The following NDEL1 variants were observed in gnomAD, a reference collection of about 807,000 sequenced individuals.
The protein encoded by NDEL1 is nudE neurodevelopment protein 1 like 1, also known as nuclear distribution protein nudE-like 1.
In NDEL1, 9 loss-of-function variants were observed where a neutral mutation model predicts 45.7. That is an observed-to-expected ratio of 0.20 (90% CI 0.12 to 0.34). The LOEUF (loss-of-function observed/expected upper bound fraction) is 0.34, where lower values mean the gene tolerates loss of function less well. NDEL1 is among the 10% of genes least tolerant of loss of function. NDEL1 has a pLI of 1.00. For missense variants in NDEL1, 306 were observed against 406.2 expected (o/e 0.75, Z 2.12); for synonymous variants, 133 against 158.6 (o/e 0.84, Z 1.21).
intron 1 of NDEL1, among the ~76,000 whole-genome samples, chr17:8,430,306 G>T (rs1597515741): frequency 6.6e-6 from 1 of 152,170 alleles, no homozygotes; most frequent in African/African-American, 2.4e-5. Context: ...AAAAATGCTG[G>T]CCAAAGGAAT....
At position 8,418,663 on chromosome 17, in the gene NDEL1, TTCCC is replaced by T. The variant is rs541517662; in HGVS notation, c.-13+5406_-13+5409del. Among the ~76,000 whole-genome samples the T allele has an allele frequency of 6.0e-3, 909 of 151,242 alleles. 12 individuals are homozygous for T. The highest frequency in any genetic ancestry group is 0.02 in the African/African-American group (828 of 41,186). ...CTTCCTTCTTTCCTTCCTTCCTTCC[TTCCC>T]TCCCTCCCTCCTTCATCTCTCTCTC... On this transcript the variant is annotated intron_variant, in intron 1 of 4. Transcript: ENST00000582812.
At chr17:8,451,558 C>T (rs56005127) in intron 6 of NDEL1, among the ~76,000 whole-genome samples, 6,430 of 152,156 alleles carry the variant, frequency 0.042, 189 homozygotes, top group Non-Finnish European at 0.065. Context: ...TCAGGAGCTG[C>T]CATTTTCAAA....
intron 1 of NDEL1, among the ~76,000 whole-genome samples, chr17:8,428,414 G>A (rs1175634043): frequency 6.8e-6 from 1 of 146,364 alleles, no homozygotes; most frequent in Non-Finnish European, 1.5e-5. Context: ...GCCCAGGCTG[G>A]AGTGTAGTGG....
intron 1 of NDEL1, among the ~76,000 whole-genome samples, chr17:8,441,479 T>C (rs1347538740): frequency 4.6e-5 from 7 of 152,238 alleles, no homozygotes; most frequent in South Asian, 2.1e-4. Context: ...ATGGAACTTA[T>C]CCCAGTTGCT....
In NDEL1 at chr17:8,460,495, A is replaced by G. The variant is rs141094618; in HGVS notation, c.944+335A>G. On this transcript the variant is annotated intron_variant, in intron 8 of 8. Coordinates refer to ENST00000334527, the MANE Select transcript of NDEL1 (RefSeq NM_030808.5). ...AGACTTGGAAATATTTTTTTGGGGT[A>G]GAAGACAGCATCACAATTAAATATA... 6.1e-4 allele frequency among the ~76,000 whole-genome samples: 93 copies of G among 152,328 alleles called. No individual in the cohort carries two copies. In the East Asian group the frequency reaches 0.014, roughly 22 times the overall value.
chr17:8,433,265 T>C (rs554625160), upstream of NDEL1, among the ~76,000 whole-genome samples: 2 of 152,330 alleles, frequency 1.3e-5, no homozygotes, highest in South Asian at 2.1e-4. Context: ...GTAGGCCAAA[T>C]CTGTTGAGAT....
chr17:8,461,794 T>A (rs778957493), intron 8 of NDEL1, among the ~76,000 whole-genome samples: 1 of 152,182 alleles, frequency 6.6e-6, no homozygotes, highest in Admixed American at 6.5e-5. Context: ...CTTATAATGA[T>A]CCTCTACTAG....
At chr17:8,473,335 C>T (rs1296694565) in intron 3 of NDEL1, among the ~76,000 whole-genome samples, 3 of 152,022 alleles carry the variant, frequency 2.0e-5, no homozygotes, top group Admixed American at 1.3e-4. Context: ...TACAGGTGTG[C>T]ACCACCACAC....
chr17:8,454,981 C>G (rs1910738222), intron 7 of NDEL1, 94 bp downstream of exon 7: 4 of 1,219,914 alleles, frequency 3.3e-6, no homozygotes, highest in South Asian at 2.5e-5. Context: ...AGGATACTTT[C>G]CTGTGGTAAA....
chr17:8,435,304 T>C (rs905096168), upstream of NDEL1, among the ~76,000 whole-genome samples: 1 of 152,104 alleles, frequency 6.6e-6, no homozygotes, highest in African/African-American at 2.4e-5. Context: ...CATCAAATAT[T>C]TGAGCGTCCA....
intron 6 of NDEL1, among the ~76,000 whole-genome samples, chr17:8,453,227 C>G (rs1910631801): frequency 6.6e-6 from 1 of 152,174 alleles, no homozygotes; most frequent in East Asian, 1.9e-4. Context: ...ATGCTGGGAG[C>G]ACAGTGGTAA....
intron 7 of NDEL1, among the ~76,000 whole-genome samples, chr17:8,459,237 T>C (rs370652279): frequency 2.7e-4 from 41 of 152,268 alleles, no homozygotes; most frequent in African/African-American, 9.9e-4. Context: ...GGGGTTTGAT[T>C]TGGGCAAAGT....
At chr17:8,449,251 G>A (rs1910304380) in intron 5 of NDEL1, among the ~76,000 whole-genome samples, 1 of 152,138 alleles carries the variant, frequency 6.6e-6, no homozygotes, top group Admixed American at 6.5e-5. Context: ...AAAATGCTGG[G>A]ATTACAGACG....
In NDEL1 at chr17:8,467,288, AC is replaced by A. The variant is rs1911663673; in HGVS notation, c.*266del. ...TTTTGTGGGTCGCAAGGTGATACAT[AC>A]GTGTATTACTTGGTCACTGGATGCA... On this transcript the variant is annotated 3_prime_UTR_variant, in exon 9 of 9. Coordinates refer to ENST00000334527, the MANE Select transcript of NDEL1 (RefSeq NM_030808.5). This position sits in a 1 kb window ranked among gnomAD's most constrained non-coding sequence, Gnocchi z 6.3. The A allele has an allele frequency of 1.8e-6, 1 of 569,722 alleles. No individual in the cohort carries two copies. Among genetic ancestry groups the A allele is most frequent in the Admixed American group, 3.4e-5 (1 of 29,742 alleles). The allele number at this position is 569,722 out of a possible 1,614,324, so 35.3% of individuals were successfully genotyped here. A position where few individuals can be genotyped will look rare whatever the true frequency, so the allele number is the denominator to read the frequency against.
chr17:8,437,387 G>C (rs1909422351), intron 1 of NDEL1, among the ~76,000 whole-genome samples: 1 of 152,164 alleles, frequency 6.6e-6, no homozygotes, highest in African/African-American at 2.4e-5. Context: ...GTTGGATAAA[G>C]AGCTTAAAAT....
downstream of NDEL1, among the ~76,000 whole-genome samples, chr17:8,472,037 CCT>C (rs1911847505): frequency 6.6e-6 from 1 of 152,138 alleles, no homozygotes; most frequent in Admixed American, 6.5e-5. Flanking sequence ...ACGATTCCAA[CCT>C]GGAGCCTGTT....
chr17:8,418,694 CTT>C (rs962609741), intron 1 of NDEL1, among the ~76,000 whole-genome samples: 1 of 150,712 alleles, frequency 6.6e-6, no homozygotes, highest in South Asian at 2.1e-4. Flanking sequence ...CTCTCTCTCT[CTT>C]TCTCTTTTCT....
Position 8,450,860 on chromosome 17 carries a change from T to C in NDEL1, c.607T>C (p.Cys203Arg), listed in dbSNP as rs1910451289. The change falls in exon 6 of 9, where the codon TGT (cysteine) becomes CGT (arginine). Residue 203 changes from cysteine to arginine, a missense_variant. Coordinates refer to ENST00000334527, the MANE Select transcript of NDEL1 (RefSeq NM_030808.5). ...GGCTCCTAGCTCTCCAACTCTAGAC[T>C]GTGAAAAGATGGACTCCGCCGTCCA... The part of the protein sequence containing the change: ...KSAPSSPTLD[C>R]EKMDSAVQAS... 1.2e-6 allele frequency: 2 copies of C among 1,613,732 alleles called. No individual in the cohort carries two copies. The highest frequency in any genetic ancestry group is 8.5e-7 in the Non-Finnish European group (1 of 1,179,892).
upstream of NDEL1, among the ~76,000 whole-genome samples, chr17:8,432,326 TAA>T (rs1357805262): frequency 8.8e-6 from 1 of 113,570 alleles, no homozygotes; most frequent in Admixed American, 1.2e-4. Context: ...TATTTATATA[TAA>T]ATATATATAT....
Sources: allele counts gnomAD v4.1 joint callset (sites outside exome capture counted in the v4.1 genomes callset), GRCh38; gene constraint gnomAD v4.1.1; non-coding constraint Gnocchi (gnomAD v3.1); transcripts MANE v1.5; gene names NCBI Gene and HGNC (gene_info 2026-07-23, HGNC 2026-07-21).